The following GATB variants were observed in gnomAD, a reference collection of about 807,000 sequenced individuals.
The protein encoded by GATB is glutamyl-tRNA amidotransferase subunit B.
A neutral mutation model predicts 62.3 loss-of-function variants in GATB; 39 were observed. The observed-to-expected ratio is 0.63, with a 90% CI of 0.48 to 0.82. The LOEUF (loss-of-function observed/expected upper bound fraction) is 0.82. Ranked by LOEUF, GATB falls within the 40% of genes least tolerant of loss-of-function variation. The pLI is 0.00. For missense variants in GATB, 670 were observed against 684.0 expected, an observed-to-expected ratio of 0.98 and a Z score of 0.23; for synonymous variants, 276 against 258.9, an observed-to-expected ratio of 1.07 and a Z score of -0.63.
In GATB at chr4:151,716,878, G is replaced by T. The variant is rs973799988; in HGVS notation, c.638C>A (p.Ala213Glu). Residue 213 changes from alanine to glutamate, a missense_variant and splice_region_variant, in exon 4 of 13, where the codon GCA becomes GAA. Physicochemically the swap from Ala to Glu is moderately radical, Grantham distance 107. Transcript: ENST00000263985. ...RSQTLIDLNR[A>E]GVGLLEVVLE... is the part of the protein sequence containing the mutation. ...TAATGAAAACACTCCAAGCCTACCT[G>T]CCCTGTTCAAATCAATGAGCGTCTG... 31 of 1,613,892 alleles carry T rather than the reference G, an allele frequency of 1.9e-5. No individual in the cohort carries two copies. The highest frequency in any genetic ancestry group is 2.4e-5 in the Non-Finnish European group (28 of 1,179,884).
At chr4:151,740,080 G>T (rs1372880389) in intron 2 of GATB, among the ~76,000 whole-genome samples, 1 of 152,202 alleles carries the variant, frequency 6.6e-6, no homozygotes, top group Non-Finnish European at 1.5e-5. Context: ...TTTCAATCAA[G>T]CTATTATCTG....
At chr4:151,753,894 T>C (rs1021518562) in intron 2 of GATB, among the ~76,000 whole-genome samples, 3 of 152,190 alleles carry the variant, frequency 2.0e-5, no homozygotes, top group African/African-American at 4.8e-5. Flanking sequence ...TTTGAAACAG[T>C]TGCCCACACT....
chr4:151,710,633 C>T (rs1738799315), intron 5 of GATB, among the ~76,000 whole-genome samples: 2 of 152,208 alleles, frequency 1.3e-5, no homozygotes, highest in Non-Finnish European at 2.9e-5. Context: ...CTGGACGCCT[C>T]AGCAACATTT....
At chr4:151,749,366 T>C (rs1578940882) in intron 2 of GATB, among the ~76,000 whole-genome samples, 3 of 152,132 alleles carry the variant, frequency 2.0e-5, no homozygotes, top group African/African-American at 7.2e-5. Flanking sequence ...TGTAGGGACA[T>C]GGATGAAGCT....
At chr4:151,734,174 T>C (rs1407520013) in intron 2 of GATB, among the ~76,000 whole-genome samples, 1 of 152,230 alleles carries the variant, frequency 6.6e-6, no homozygotes, top group Admixed American at 6.5e-5. Context: ...GCTGACGATA[T>C]GATCTTTTAC....
intron 2 of GATB, among the ~76,000 whole-genome samples, chr4:151,735,042 A>T (rs926013228): frequency 6.6e-6 from 1 of 152,202 alleles, no homozygotes; most frequent in African/African-American, 2.4e-5. Context: ...CATGACCAAA[A>T]ACCCAAAAGC....
chr4:151,678,317 T>C (rs1738052906), intron 11 of GATB, among the ~76,000 whole-genome samples: 1 of 152,204 alleles, frequency 6.6e-6, no homozygotes, highest in Non-Finnish European at 1.5e-5. Context: ...TTCTTCTTAC[T>C]GGAACTATCT....
intron 2 of GATB, among the ~76,000 whole-genome samples, chr4:151,724,808 C>A (rs1340187805): frequency 2.0e-5 from 3 of 152,104 alleles, no homozygotes; most frequent in African/African-American, 7.2e-5. Context: ...AGACTGAGTT[C>A]CCTGAGGGCA....
chr4:151,716,277 C>CA, intron 4 of GATB, 146 bp from the exon 5 acceptor site: 18 of 413,192 alleles, frequency 4.4e-5, no homozygotes, highest in Non-Finnish European at 6.2e-5. Context: ...TCCCTCCCAC[C>CA]TTTTTTTTTT....
chr4:151,743,658 T>C (rs1476825591), intron 2 of GATB, among the ~76,000 whole-genome samples: 1 of 152,216 alleles, frequency 6.6e-6, no homozygotes, highest in East Asian at 1.9e-4. Flanking sequence ...TGTTAAGAAA[T>C]TGTGTGACCA....
chr4:151,735,023 C>T (rs1160752091), intron 2 of GATB, among the ~76,000 whole-genome samples: 2 of 152,210 alleles, frequency 1.3e-5, no homozygotes, highest in African/African-American at 4.8e-5. Context: ...TTAGCTTAGG[C>T]AAGGATTTCA....
At chr4:151,725,287 G>C (rs1326084308) in intron 2 of GATB, among the ~76,000 whole-genome samples, 1 of 152,244 alleles carries the variant, frequency 6.6e-6, no homozygotes, top group Non-Finnish European at 1.5e-5. Context: ...GAAGCCAGCC[G>C]AGCTGGGGCT....
intron 10 of GATB, among the ~76,000 whole-genome samples, chr4:151,683,770 C>CTA (rs1738192611): frequency 6.6e-6 from 1 of 152,194 alleles, no homozygotes; most frequent in Admixed American, 6.5e-5. Context: ...GGCTGACATG[C>CTA]TATAGTTTCC....
chr4:151,702,869 C>T lies in GATB; in HGVS notation c.1007+982G>A, dbSNP rs76445163. Among the ~76,000 whole-genome samples the T allele has an allele frequency of 7.7e-3, 1,167 of 152,236 alleles. 13 individuals are homozygous for T. Among genetic ancestry groups the T allele is most frequent in the African/African-American group, 0.026 (1,085 of 41,528 alleles). On this transcript the variant is annotated intron_variant, in intron 8 of 12. Transcript: ENST00000263985. The stretch of plus-strand genomic sequence containing the variant: ...TGGATTCGAAGCACACGCTACCCAT[C>T]GGCTCACTGCCAGATCTCTTCTGTG...
chr4:151,707,935 G>T, intron 6 of GATB, 53 bp downstream of exon 6: 1 of 1,215,102 alleles, frequency 8.2e-7, no homozygotes, highest in Non-Finnish European at 1.2e-6. Flanking sequence ...TTGTTACCCA[G>T]CAAGAGAGAA....
At chr4:151,675,926 C>T (rs1007261005) in intron 11 of GATB, 2 of 152,206 alleles carry the variant, frequency 1.3e-5, no homozygotes, top group African/African-American at 4.8e-5. Flanking sequence ...CTAGCTAAAG[C>T]TATTTTTGAA....
intron 2 of GATB, among the ~76,000 whole-genome samples, chr4:151,748,194 C>T (rs1739641273): frequency 1.3e-5 from 2 of 152,134 alleles, no homozygotes; most frequent in African/African-American, 4.8e-5. Flanking sequence ...AAAAAAGAGC[C>T]CGCATTGCCA....
In GATB at chr4:151,705,206, C is replaced by T. The variant is rs562483671; in HGVS notation, c.941G>A (p.Arg314His). The T allele has an allele frequency of 1.8e-5, 29 of 1,613,056 alleles. No homozygotes were observed. The East Asian group carries it at 2.0e-4, about 11-fold the overall frequency. The change falls in exon 7 of 13, where the codon CGC becomes CAC. Residue 314 changes from arginine (R) to histidine (H), a missense_variant. Arg to His is a conservative substitution (Grantham distance 29). Transcript: ENST00000263985. ...TCACCCCAGCTTGTGATGAAATGAGCGTGTTTCGTTCAGAATTTCACCTCC... is the reference window on the plus strand; with the variant it reads ...TCACCCCAGCTTGTGATGAAATGAGTGTGTTTCGTTCAGAATTTCACCTCC... The part of the protein sequence containing the change: ...ENGGEILNET[R>H]SFHHKLGCTM...
intron 9 of GATB, among the ~76,000 whole-genome samples, chr4:151,697,868 C>T (rs1288643781): frequency 6.8e-6 from 1 of 147,524 alleles, no homozygotes; most frequent in Non-Finnish European, 1.5e-5. Flanking sequence ...CCACTGCACT[C>T]CAGCCTAGGC....
Sources: gnomAD v4.1 joint callset for allele counts (sites outside exome capture counted in the v4.1 genomes callset) on GRCh38, gnomAD v4.1.1 for gene constraint, MANE v1.5 for transcripts, NCBI Gene and HGNC (gene_info 2026-07-23, HGNC 2026-07-21) for gene names.